The following WWOX variants were observed in gnomAD, a reference collection of about 807,000 sequenced individuals.
The protein encoded by WWOX is WW domain-containing oxidoreductase.
In WWOX, 69 loss-of-function variants were observed where a neutral mutation model predicts 46.2. That is an observed-to-expected ratio of 1.49 (90% CI 1.23 to 1.82). WWOX has a LOEUF of 1.82. WWOX is among the 40% of genes most tolerant of loss of function. The pLI is 0.00. For missense variants in WWOX, 919 were observed against 542.6 expected, an observed-to-expected ratio of 1.69 and a Z score of -6.89; for synonymous variants, 359 against 202.6, an observed-to-expected ratio of 1.77 and a Z score of -6.56.
intron 8 of WWOX, among the ~76,000 whole-genome samples, chr16:79,041,838 A>C (rs1422668620): frequency 6.6e-6 from 1 of 152,112 alleles, no homozygotes; most frequent in African/African-American, 2.4e-5. Flanking sequence ...AGAAGGGATA[A>C]TAACTTACAT....
At chr16:78,932,215 C>G (rs2045638335) in intron 8 of WWOX, among the ~76,000 whole-genome samples, 1 of 152,194 alleles carries the variant, frequency 6.6e-6, no homozygotes, top group African/African-American at 2.4e-5. Flanking sequence ...AGCTCTTTTT[C>G]TAAGCTCCTC....
chr16:78,727,012 T>C (rs1417570934), intron 8 of WWOX, among the ~76,000 whole-genome samples: 1 of 152,192 alleles, frequency 6.6e-6, no homozygotes, highest in Non-Finnish European at 1.5e-5. Flanking sequence ...GCCCTCTACA[T>C]CTTCCGTGGT....
intron 8 of WWOX, among the ~76,000 whole-genome samples, chr16:78,536,495 A>T (rs1051380454): frequency 6.6e-6 from 1 of 151,780 alleles, no homozygotes; most frequent in African/African-American, 2.4e-5. Flanking sequence ...TCCTCTCTGG[A>T]GGTGAAGAGG....
chr16:78,600,479 C>T (rs970636704), intron 8 of WWOX, among the ~76,000 whole-genome samples: 5 of 152,014 alleles, frequency 3.3e-5, no homozygotes, highest in East Asian at 1.9e-4. Context: ...CTTTTCTTTC[C>T]CCCCAACCCT....
intron 5 of WWOX, among the ~76,000 whole-genome samples, chr16:78,228,306 C>T (rs970095151): frequency 8.0e-5 from 12 of 149,894 alleles, no homozygotes; most frequent in African/African-American, 2.9e-4. Context: ...CCTCAGTAGA[C>T]ATTTACATGA....
intron 8 of WWOX, among the ~76,000 whole-genome samples, chr16:79,126,252 G>C (rs935659631): frequency 5.9e-5 from 9 of 151,790 alleles, no homozygotes; most frequent in South Asian, 2.1e-4. Context: ...GCTGGAAACA[G>C]AGGTAAGAAG....
At chr16:78,799,635 C>A (rs908345711) in intron 8 of WWOX, among the ~76,000 whole-genome samples, 5 of 151,804 alleles carry the variant, frequency 3.3e-5, no homozygotes, top group African/African-American at 1.2e-4. Context: ...GCCCCCTGAA[C>A]CTTGGAGCTC....
intron 8 of WWOX, among the ~76,000 whole-genome samples, chr16:78,540,643 G>C (rs2043869403): frequency 6.6e-6 from 1 of 151,778 alleles, no homozygotes; most frequent in Non-Finnish European, 1.5e-5. Context: ...TGAGCTCTGA[G>C]TTTCTGTGGA....
At chr16:78,452,175 T>A (rs1194148283) in intron 8 of WWOX, among the ~76,000 whole-genome samples, 1 of 152,206 alleles carries the variant, frequency 6.6e-6, no homozygotes, top group Admixed American at 6.5e-5. Context: ...CAAAAGTAAC[T>A]TTATCTTGAT....
rs1225584176 is a variant in WWOX, at chr16:78,422,782, TATAC to T, written c.606-2086_606-2083del. On this transcript the variant is annotated intron_variant, in intron 6 of 8. Transcript: ENST00000566780. ...ACACATATATATACACACATATATA[TATAC>T]ACACACACATATATATACACACACA... Among the ~76,000 whole-genome samples the T allele has an allele frequency of 4.1e-4, 48 of 117,578 alleles. 1 individual carries two copies. Among genetic ancestry groups the T allele is most frequent in the African/African-American group, 1.8e-3 (39 of 21,272 alleles). 77.1% of individuals were successfully genotyped at this position (117,578 alleles called of 152,430 possible). A position where few individuals can be genotyped will look rare whatever the true frequency, so the allele number is the denominator to read the frequency against.
chr16:78,928,909 A>C (rs2045560393), intron 8 of WWOX, among the ~76,000 whole-genome samples: 1 of 152,202 alleles, frequency 6.6e-6, no homozygotes, highest in South Asian at 2.1e-4. Context: ...ATTTTCCCCT[A>C]ACAATAACAA....
At chr16:78,632,683 C>G (rs933039918) in intron 8 of WWOX, among the ~76,000 whole-genome samples, 9 of 150,754 alleles carry the variant, frequency 6.0e-5, no homozygotes, top group African/African-American at 1.2e-4. Flanking sequence ...CTCAGCCTCT[C>G]GAATAGCTGG....
At chr16:78,717,066 T>TAAA (rs2048581964) in intron 8 of WWOX, among the ~76,000 whole-genome samples, 1 of 152,104 alleles carries the variant, frequency 6.6e-6, no homozygotes, top group Admixed American at 6.6e-5. Context: ...TTTAAAAGGG[T>TAAA]AAATGGCTTC....
At chr16:79,139,776 C>A (rs142978733) in intron 8 of WWOX, among the ~76,000 whole-genome samples, 1 of 152,270 alleles carries the variant, frequency 6.6e-6, no homozygotes, top group Non-Finnish European at 1.5e-5. Flanking sequence ...ATAAAAGAGG[C>A]AGAAAGGGCT....
chr16:78,575,044 T>TAA (rs2044831780), intron 8 of WWOX, among the ~76,000 whole-genome samples: 7 of 6,760 alleles, frequency 1.0e-3, no homozygotes, highest in Non-Finnish European at 1.7e-3. Context: ...TATATATATA[T>TAA]ATATATATAT....
chr16:78,755,442 T>C (rs372361315), intron 8 of WWOX, among the ~76,000 whole-genome samples: 13 of 151,732 alleles, frequency 8.6e-5, no homozygotes, highest in African/African-American at 3.2e-4. Context: ...GATGGGGTCT[T>C]GTGATACTGA....
At chr16:78,528,006 T>G (rs2043521235) in intron 8 of WWOX, among the ~76,000 whole-genome samples, 1 of 106,842 alleles carries the variant, frequency 9.4e-6, no homozygotes, top group African/African-American at 3.6e-5. Flanking sequence ...TTTTTTTTTT[T>G]TTTTTTTTTT....
intron 8 of WWOX, among the ~76,000 whole-genome samples, chr16:78,704,938 G>C (rs1403435430): frequency 6.9e-6 from 1 of 143,938 alleles, no homozygotes; most frequent in Non-Finnish European, 1.5e-5. Flanking sequence ...TTTTTTTAAA[G>C]AGGAGGAAGC....
intron 8 of WWOX, among the ~76,000 whole-genome samples, chr16:78,711,397 T>C (rs2048441864): frequency 6.6e-6 from 1 of 152,206 alleles, no homozygotes. Context: ...GTATATGCTT[T>C]GGAGGGAACT....
Sources: gnomAD v4.1 joint callset for allele counts (sites outside exome capture counted in the v4.1 genomes callset) on GRCh38, gnomAD v4.1.1 for gene constraint, MANE v1.5 for transcripts, NCBI Gene and HGNC (gene_info 2026-07-23, HGNC 2026-07-21) for gene names.